HOXC4: variants seen among roughly 807,000 people sequenced by gnomAD.
HOXC4 encodes homeobox protein Hox-C4.
A neutral mutation model predicts 25.5 loss-of-function variants in HOXC4; 15 were observed. The observed-to-expected ratio is 0.59, with a 90% confidence interval of 0.39 to 0.91. The LOEUF is 0.91. Among genes scored for constraint, HOXC4 ranks in the 40% least tolerant of loss-of-function variants. The probability of loss-of-function intolerance (pLI) is 0.00; values close to 1 mark genes in which losing one functional copy is unlikely to be tolerated. For missense variants in HOXC4, 342 were observed against 352.4 expected (o/e 0.97, Z 0.24); for synonymous variants, 165 against 148.0 (o/e 1.11, Z -0.83).
intron 1 of HOXC4, chr12:54,033,361 CCGCTCCGGGACA>C: frequency 1.2e-6 from 2 of 1,612,820 alleles, no homozygotes; most frequent in Non-Finnish European, 1.7e-6. Context: ...AGCGCCGCGG[CCGCTCCGGGACA>C]CGCTCCGGGC....
intron 1 of HOXC4, chr12:54,033,244 G>A: frequency 6.2e-7 from 1 of 1,614,162 alleles, no homozygotes. Context: ...TACTGCTACG[G>A]CGGATTGGAC....
At chr12:54,033,028 T>C in intron 1 of HOXC4, 1 of 952,746 alleles carries the variant, frequency 1.0e-6, no homozygotes, top group Non-Finnish European at 1.6e-6. Context: ...CTATAAATTG[T>C]CCACTTTGGA....
intron 1 of HOXC4, among the ~76,000 whole-genome samples, chr12:54,024,503 G>T (rs74089888): frequency 2.8e-4 from 42 of 152,278 alleles, no homozygotes; most frequent in African/African-American, 9.6e-4. Context: ...AACTAAGGAG[G>T]ACCTCTGGAA....
chr12:54,042,552 G>A (rs1003179951), intron 1 of HOXC4, among the ~76,000 whole-genome samples: 1 of 152,168 alleles, frequency 6.6e-6, no homozygotes, highest in Non-Finnish European at 1.5e-5. Context: ...CTCTGTAACT[G>A]CTTTGGACTG....
chr12:54,025,117 C>T (rs946623533), intron 1 of HOXC4, among the ~76,000 whole-genome samples: 11 of 152,166 alleles, frequency 7.2e-5, no homozygotes, highest in African/African-American at 2.7e-4. Context: ...GGGTAGTGTT[C>T]TCTGATTTCT....
intron 1 of HOXC4, chr12:54,034,068 T>C (rs1169308886): frequency 1.4e-6 from 1 of 708,436 alleles, no homozygotes; most frequent in Admixed American, 2.0e-5. Context: ...GGCTGCAGAG[T>C]GAAGGCTGCG....
intron 1 of HOXC4, among the ~76,000 whole-genome samples, chr12:54,044,719 G>GTT (rs1008322932): frequency 2.3e-5 from 3 of 128,528 alleles, no homozygotes; most frequent in Non-Finnish European, 5.0e-5. Flanking sequence ...GTGTGAGTGT[G>GTT]TGTGTTTGTG....
intron 1 of HOXC4, among the ~76,000 whole-genome samples, chr12:54,019,342 C>A (rs1940319433): frequency 6.6e-6 from 1 of 152,192 alleles, no homozygotes; most frequent in African/African-American, 2.4e-5. Flanking sequence ...CAGGCACGGC[C>A]CAGTGGCTGA....
chr12:54,030,173 G>A lies in HOXC4; in HGVS notation c.-124+12759G>A, dbSNP rs1388938197. On this transcript the variant is annotated intron_variant, in intron 1 of 3. Coordinates refer to the HOXC4 transcript ENST00000303406. Reference sequence around the variant, plus strand: ...TTTCACCACGCGCCTCCTCCTCCTCGCTCCCTTGCTAGCTCGTTCTCGGCT... The same window carrying A: ...TTTCACCACGCGCCTCCTCCTCCTCACTCCCTTGCTAGCTCGTTCTCGGCT... The A allele has an allele frequency of 9.8e-6, 5 of 508,234 alleles. No individual in the cohort carries two copies. In the East Asian group the frequency reaches 1.3e-4, roughly 13 times the overall value. 31.5% of individuals were successfully genotyped at this position (508,234 alleles called of 1,614,324 possible).
At chr12:54,034,527 G>C (rs1941128894) in intron 1 of HOXC4, 2 of 1,553,450 alleles carry the variant, frequency 1.3e-6, no homozygotes, top group South Asian at 1.1e-5. Flanking sequence ...CGCGCCCCTA[G>C]CCGGTTCCTG....
chr12:54,019,182 C>T (rs1940307868), intron 1 of HOXC4, among the ~76,000 whole-genome samples: 1 of 135,550 alleles, frequency 7.4e-6, no homozygotes, highest in Admixed American at 7.2e-5. Context: ...CCCCCACCCC[C>T]CCACCCCCAG....
In HOXC4 at chr12:54,054,144, G is replaced by C; in HGVS notation, c.222G>C (p.Gly74=). The change falls in exon 1 of 2, where the codon GGG becomes GGC. Residue 74 remains glycine, a synonymous_variant. Coordinates refer to ENST00000430889, the MANE Select transcript of HOXC4 (RefSeq NM_153633.3). ...AGTATAGCTGCACCAGTCTCCAGGGGCCCGGCAATTCGCGAGGCCACGGGC... is the reference window on the plus strand; with the variant it reads ...AGTATAGCTGCACCAGTCTCCAGGGCCCCGGCAATTCGCGAGGCCACGGGC... The part of the protein sequence containing the change: ...ERQYSCTSLQ[G]PGNSRGHGPA... 1.9e-6 allele frequency: 3 copies of C among 1,613,988 alleles called. No homozygotes were observed. The highest frequency in any genetic ancestry group is 2.2e-5 in the South Asian group (2 of 91,068).
upstream of HOXC4, among the ~76,000 whole-genome samples, chr12:54,051,621 G>A (rs1374548492): frequency 6.6e-6 from 1 of 152,224 alleles, no homozygotes; most frequent in Non-Finnish European, 1.5e-5. Context: ...AGCCTCTGGG[G>A]AACTCCTGTT....
intron 1 of HOXC4, chr12:54,029,628 T>C (rs1391117777): frequency 2.5e-6 from 4 of 1,602,690 alleles, no homozygotes; most frequent in Non-Finnish European, 3.4e-6. Flanking sequence ...TGATTGCTTT[T>C]AGTGTGTTTT....
At chr12:54,033,109 G>A (rs1156271078) in intron 1 of HOXC4, 1 of 1,583,556 alleles carries the variant, frequency 6.3e-7, no homozygotes, top group Non-Finnish European at 8.6e-7. Context: ...AAATTTTTTT[G>A]GGCCCTCCCC....
At position 54,054,075 on chromosome 12, in the gene HOXC4, G is replaced by A; in HGVS notation, c.153G>A (p.Glu51=). 2 of 1,614,110 alleles carry A rather than the reference G, an allele frequency of 1.2e-6. No individual in the cohort carries two copies. The highest frequency in any genetic ancestry group is 8.5e-7 in the Non-Finnish European group (1 of 1,180,006). The stretch of plus-strand genomic sequence containing the variant: ...CGGGATTCCAGCATCACCACCAGGA[G>A]CTGTACCCACCACCGCCTCCGCGCC... ...RESGFQHHHQ[E]LYPPPPPRPS... The change falls in exon 1 of 2, where the codon GAG becomes GAA. Residue 51 remains glutamate, a synonymous_variant. Coordinates refer to ENST00000430889, the MANE Select transcript of HOXC4 (RefSeq NM_153633.3).
chr12:54,054,367 C>T lies in HOXC4; in HGVS notation c.439+6C>T, dbSNP rs1023008479. 6.5e-7 allele frequency: 1 copy of T among 1,527,052 alleles called. No individual in the cohort carries two copies. Among genetic ancestry groups the T allele is most frequent in the Non-Finnish European group, 8.8e-7 (1 of 1,139,546 alleles). 94.6% of individuals were successfully genotyped at this position (1,527,052 alleles called of 1,614,324 possible). Reference sequence around the variant, plus strand: ...AAAAATTCACGTTAGCACGGGTAGGCAACTTTGCTTTTTGCTCCCCCCCTC... The same window carrying T: ...AAAAATTCACGTTAGCACGGGTAGGTAACTTTGCTTTTTGCTCCCCCCCTC... On this transcript the variant is annotated splice_donor_region_variant and intron_variant, in intron 1 of 1. Coordinates refer to ENST00000430889, the MANE Select transcript of HOXC4 (RefSeq NM_153633.3).
At chr12:54,040,666 C>T (rs922925360) in intron 1 of HOXC4, among the ~76,000 whole-genome samples, 1 of 152,220 alleles carries the variant, frequency 6.6e-6, no homozygotes, top group Non-Finnish European at 1.5e-5. Flanking sequence ...CTAAATTAGA[C>T]TATAGAGCAA....
upstream of HOXC4, among the ~76,000 whole-genome samples, chr12:54,052,489 C>T (rs1347000848): frequency 1.3e-5 from 2 of 152,080 alleles, no homozygotes; most frequent in Admixed American, 6.5e-5. Context: ...CCTGGGCTCT[C>T]CCCTCCGCTA....
Sources: allele counts gnomAD v4.1 joint callset (sites outside exome capture counted in the v4.1 genomes callset), GRCh38; gene constraint gnomAD v4.1.1; transcripts MANE v1.5; gene names NCBI Gene and HGNC (gene_info 2026-07-23, HGNC 2026-07-21).